The following ANKIB1 variants were observed in gnomAD, a reference collection of about 807,000 sequenced individuals.
The protein encoded by ANKIB1 is ankyrin repeat and IBR domain containing 1.
In ANKIB1, 43 loss-of-function variants were observed where a neutral mutation model predicts 122.1. The observed-to-expected ratio is 0.35, with a 90% CI of 0.28 to 0.45. The LOEUF (loss-of-function observed/expected upper bound fraction) is 0.45. Among genes scored for constraint, ANKIB1 ranks in the 20% least tolerant of loss-of-function variants. The pLI is 1.00. For synonymous variants in ANKIB1, 390 were observed against 442.0 expected (o/e 0.88, Z 1.48); for missense variants, 992 against 1,329.5 (o/e 0.75, Z 3.95).
At chr7:92,374,056 C>T (rs568933749) in intron 11 of ANKIB1, among the ~76,000 whole-genome samples, 24 of 152,168 alleles carry the variant, frequency 1.6e-4, no homozygotes, top group African/African-American at 5.8e-4. Context: ...GTGGACTGTG[C>T]CATCTTTTTA....
At chr7:92,330,847 A>C (rs1244364000) in intron 5 of ANKIB1, among the ~76,000 whole-genome samples, 1 of 152,176 alleles carries the variant, frequency 6.6e-6, no homozygotes, top group Non-Finnish European at 1.5e-5. Flanking sequence ...GTCTCAAAAC[A>C]AAAACAAAAA....
At chr7:92,311,884 G>T (rs1038339394) in intron 3 of ANKIB1, among the ~76,000 whole-genome samples, 2 of 152,026 alleles carry the variant, frequency 1.3e-5, no homozygotes, top group Non-Finnish European at 2.9e-5. Context: ...ATGCTATATT[G>T]TTGCCTGGTT....
intron 3 of ANKIB1, among the ~76,000 whole-genome samples, chr7:92,311,082 T>C (rs1302379529): frequency 6.6e-6 from 1 of 152,224 alleles, no homozygotes; most frequent in African/African-American, 2.4e-5. Context: ...CTTTGTATCA[T>C]TGCTTTTAGT....
At position 92,347,959 on chromosome 7, in the gene ANKIB1, CAG is replaced by C. The variant is rs746944288; in HGVS notation, c.1085+2900_1085+2901del. ...TCATATTCCTAAGCATTGTAATAAGCAGAGAGAGCCTACCTATGATATCATCT... is the reference window on the plus strand; with the variant it reads ...TCATATTCCTAAGCATTGTAATAAGCAGAGAGCCTACCTATGATATCATCT... On this transcript the variant is annotated intron_variant, in intron 7 of 19. Transcript: ENST00000265742. The C allele has an allele frequency of 4.3e-5, 19 of 446,066 alleles. No homozygotes were observed. The East Asian group carries it at 1.3e-3, about 30-fold the overall frequency. The allele number at this position is 446,066 out of a possible 1,614,324, so 27.6% of individuals were successfully genotyped here.
At chr7:92,337,713 T>A (rs907420043) in intron 5 of ANKIB1, among the ~76,000 whole-genome samples, 1 of 152,218 alleles carries the variant, frequency 6.6e-6, no homozygotes, top group Non-Finnish European at 1.5e-5. Flanking sequence ...CTTTTCAGAA[T>A]TGCCATGCAC....
intron 1 of ANKIB1, among the ~76,000 whole-genome samples, chr7:92,291,047 A>G (rs922604601): frequency 6.6e-6 from 1 of 152,228 alleles, no homozygotes; most frequent in African/African-American, 2.4e-5. Flanking sequence ...TAATGTCAGC[A>G]CTTTGGAAGG....
intron 3 of ANKIB1, among the ~76,000 whole-genome samples, chr7:92,313,875 G>A (rs137945313): frequency 9.6e-4 from 146 of 152,254 alleles, no homozygotes; most frequent in African/African-American, 3.3e-3. Context: ...TCAGACATAC[G>A]CAGATTGAAG....
chr7:92,320,522 T>C (rs1322975602), intron 4 of ANKIB1, among the ~76,000 whole-genome samples: 1 of 152,208 alleles, frequency 6.6e-6, no homozygotes, highest in East Asian at 1.9e-4. Flanking sequence ...TCAATAAATA[T>C]TACCTCTGTC....
chr7:92,353,650 C>T (rs190371986), intron 9 of ANKIB1, among the ~76,000 whole-genome samples: 2 of 152,308 alleles, frequency 1.3e-5, no homozygotes, highest in East Asian at 1.9e-4. Flanking sequence ...TTCTTACCTT[C>T]GCCATCATCA....
rs2115588927 is a variant in ANKIB1 at position 92,358,519 on chromosome 7, A to G, written c.1398-3666A>G. On this transcript the variant is annotated intron_variant, in intron 9 of 19. Transcript: ENST00000265742. ...GAGCCAAGCACATTGATAAGCAATT[A>G]CGGCTTTTGAAGAAGTGGCTTTTTT... Among the ~76,000 whole-genome samples, 2 of 148,448 alleles carry G rather than the reference A, an allele frequency of 1.3e-5. 1 individual carries two copies. The highest frequency in any genetic ancestry group is 4.3e-4 in the South Asian group (2 of 4,694).
At chr7:92,316,999 A>T (rs986277180) in intron 3 of ANKIB1, among the ~76,000 whole-genome samples, 1 of 152,128 alleles carries the variant, frequency 6.6e-6, no homozygotes, top group Non-Finnish European at 1.5e-5. Flanking sequence ...ATTTTCTGGG[A>T]CTCTGAATAA....
chr7:92,270,614 G>A (rs1299889598), intron 1 of ANKIB1, among the ~76,000 whole-genome samples: 4 of 152,010 alleles, frequency 2.6e-5, no homozygotes, highest in Admixed American at 2.6e-4. Flanking sequence ...ATCATAATCA[G>A]GATTCAGACA....
chr7:92,253,075 A>G (rs1801363354), intron 1 of ANKIB1, among the ~76,000 whole-genome samples: 1 of 152,198 alleles, frequency 6.6e-6, no homozygotes, highest in Admixed American at 6.5e-5. Flanking sequence ...ACACACACTC[A>G]TGTACATACA....
intron 17 of ANKIB1, among the ~76,000 whole-genome samples, chr7:92,394,255 A>G (rs1329249526): frequency 6.6e-6 from 1 of 152,200 alleles, no homozygotes. Context: ...AGCTCCTTAT[A>G]GCTTTTCCCT....
intron 7 of ANKIB1, among the ~76,000 whole-genome samples, chr7:92,349,559 G>T (rs547391441): frequency 6.6e-6 from 1 of 152,116 alleles, no homozygotes; most frequent in South Asian, 2.1e-4. Context: ...TTAATTGCCT[G>T]GTTTTCCATT....
intron 1 of ANKIB1, among the ~76,000 whole-genome samples, chr7:92,257,643 TA>T (rs761629438): frequency 7.2e-4 from 109 of 152,000 alleles, no homozygotes; most frequent in Non-Finnish European, 1.1e-3. Flanking sequence ...AAATAGAAAA[TA>T]AGCTGAGCAT....
At chr7:92,333,689 C>T (rs374997992) in intron 5 of ANKIB1, among the ~76,000 whole-genome samples, 46 of 152,162 alleles carry the variant, frequency 3.0e-4, no homozygotes, top group African/African-American at 1.1e-3. Context: ...ATTGTATGCC[C>T]GCTACCTGAC....
At chr7:92,395,505 T>C (rs1175396688) in intron 17 of ANKIB1, among the ~76,000 whole-genome samples, 1 of 151,884 alleles carries the variant, frequency 6.6e-6, no homozygotes, top group Non-Finnish European at 1.5e-5. Flanking sequence ...TGTTGTTCCT[T>C]TTTTTCTTTT....
Position 92,343,082 on chromosome 7 carries a change from A to G in ANKIB1, c.846A>G (p.Gln282=). The G allele has an allele frequency of 2.5e-6, 4 of 1,614,012 alleles. No homozygotes were observed. Among genetic ancestry groups the G allele is most frequent in the Non-Finnish European group, 2.5e-6 (3 of 1,179,890 alleles). The change falls in exon 6 of 20, where the codon CAA becomes CAG. Residue 282 remains glutamine (Q), a synonymous_variant. Coordinates refer to ENST00000265742, the MANE Select transcript of ANKIB1 (RefSeq NM_019004.2). ...TGTCCAACCCGGAGAACTGCTGCCA[A>G]CGATCAGGTGTTCAAATGCCAACTC... ...AWMSNPENCC[Q]RSGVQMPTPP... is the part of the protein sequence containing the mutation.
Sources: gnomAD v4.1 joint callset for allele counts (sites outside exome capture counted in the v4.1 genomes callset) on GRCh38, gnomAD v4.1.1 for gene constraint, MANE v1.5 for transcripts, NCBI Gene and HGNC (gene_info 2026-07-23, HGNC 2026-07-21) for gene names.